The following SLIT2 variants were observed in gnomAD, a reference collection of about 807,000 sequenced individuals.
The protein encoded by SLIT2 is slit homolog 2 protein.
A neutral mutation model predicts 185.7 loss-of-function variants in SLIT2; 41 were observed. The observed-to-expected ratio is 0.22, with a 90% confidence interval of 0.17 to 0.29. The LOEUF is 0.29. Ranked by LOEUF, SLIT2 falls within the 10% of genes least tolerant of loss-of-function variation. The probability of loss-of-function intolerance (pLI) is 1.00; values close to 1 mark genes in which losing one functional copy is unlikely to be tolerated. For missense variants in SLIT2, 1,571 were observed against 1,909.0 expected, an observed-to-expected ratio of 0.82 and a Z score of 3.30; for synonymous variants, 693 against 680.2, an observed-to-expected ratio of 1.02 and a Z score of -0.29.
intron 30 of SLIT2, 146 bp downstream of exon 30, chr4:20,589,883 T>G (rs925017146): frequency 1.7e-6 from 1 of 576,544 alleles, no homozygotes; most frequent in African/African-American, 1.9e-5. Flanking sequence ...TTTTTAAATG[T>G]CGATATACAA....
chr4:20,597,755 T>C (rs990229729), intron 32 of SLIT2, among the ~76,000 whole-genome samples: 1 of 152,192 alleles, frequency 6.6e-6, no homozygotes, highest in Non-Finnish European at 1.5e-5. Context: ...CAAATTGTTA[T>C]GAGAACCACA....
chr4:20,590,236 A>T (rs1727413298), intron 30 of SLIT2, among the ~76,000 whole-genome samples: 1 of 152,182 alleles, frequency 6.6e-6, no homozygotes, highest in East Asian at 1.9e-4. Flanking sequence ...CTAAAGAAAA[A>T]TGAAAAAGTG....
intron 4 of SLIT2, among the ~76,000 whole-genome samples, chr4:20,395,459 G>T (rs1367246255): frequency 6.6e-6 from 1 of 151,902 alleles, no homozygotes; most frequent in Non-Finnish European, 1.5e-5. Context: ...ATAGGATTAG[G>T]GACCATTGAG....
At chr4:20,410,442 G>A (rs1199311894) in intron 4 of SLIT2, among the ~76,000 whole-genome samples, 1 of 150,820 alleles carries the variant, frequency 6.6e-6, no homozygotes, top group East Asian at 1.9e-4. Context: ...TGTTAGTAGA[G>A]ATGGGGTTTC....
In SLIT2 at chr4:20,310,032, A is replaced by G. The variant is rs1182526883; in HGVS notation, c.395+41151A>G. 5.3e-5 allele frequency among the ~76,000 whole-genome samples: 8 copies of G among 152,086 alleles called. No homozygotes were observed. The East Asian group carries it at 1.2e-3, about 22-fold the overall frequency. On this transcript the variant is annotated intron_variant, in intron 4 of 36. Transcript: ENST00000504154. ...CGCCTCGGCCTCCCCAAGTGCTGGGATTACAGGCGTGAGCCACCGCGTCCG... is the reference window on the plus strand; with the variant it reads ...CGCCTCGGCCTCCCCAAGTGCTGGGGTTACAGGCGTGAGCCACCGCGTCCG...
chr4:20,469,993 G>T (rs1303983229), intron 5 of SLIT2, among the ~76,000 whole-genome samples: 1 of 151,916 alleles, frequency 6.6e-6, no homozygotes, highest in Non-Finnish European at 1.5e-5. Context: ...GACCTCAGGT[G>T]ATCCACCCTC....
chr4:20,591,399 C>A (rs1727503921), intron 30 of SLIT2, among the ~76,000 whole-genome samples: 1 of 152,084 alleles, frequency 6.6e-6, no homozygotes, highest in Non-Finnish European at 1.5e-5. Flanking sequence ...TATTTATTCT[C>A]AAGCTTTCTT....
chr4:20,533,588 A>C lies in SLIT2; in HGVS notation c.1705A>C (p.Lys569Gln). 6.2e-7 allele frequency: 1 copy of C among 1,608,906 alleles called. No individual in the cohort carries two copies. Among genetic ancestry groups the C allele is most frequent in the Non-Finnish European group, 8.5e-7 (1 of 1,176,654 alleles). Residue 569 changes from lysine to glutamine, a missense_variant, in exon 18 of 37, where the codon AAG (lysine) becomes CAG (glutamine). Lys to Gln is a moderately conservative substitution (Grantham distance 53). Coordinates refer to ENST00000504154, the MANE Select transcript of SLIT2 (RefSeq NM_004787.4). ...TTTATTTAGAAACTTTAGCAACAAT[A>C]AGATCACAGATATTGAGGAGGGAGC... ...QLRKINFSNN[K>Q]ITDIEEGAFE...
At chr4:20,463,450 T>TAGATAGATAG (rs1440893392) in intron 4 of SLIT2, among the ~76,000 whole-genome samples, 1 of 20,552 alleles carries the variant, frequency 4.9e-5, no homozygotes, top group African/African-American at 1.8e-4. Flanking sequence ...CAAACTGTGA[T>TAGATAGATAG]ATATATATAT....
chr4:20,405,014 G>T (rs953406608), intron 4 of SLIT2, among the ~76,000 whole-genome samples: 2 of 135,978 alleles, frequency 1.5e-5, no homozygotes, highest in Admixed American at 1.4e-4. Flanking sequence ...TCTGATTTTT[G>T]AAGTGAGGGA....
chr4:20,493,457 T>C lies in SLIT2; in HGVS notation c.914+1558T>C, dbSNP rs548991158. 5.3e-5 allele frequency among the ~76,000 whole-genome samples: 8 copies of C among 152,296 alleles called. No individual in the cohort carries two copies. The South Asian group carries it at 1.7e-3, about 32-fold the overall frequency. ...GGCACCATTAATTTTCCTGAGATCA[T>C]CCATCAAGTGGTTAGCAAATGTGAC... On this transcript the variant is annotated intron_variant, in intron 9 of 36. Transcript: ENST00000504154.
intron 4 of SLIT2, among the ~76,000 whole-genome samples, chr4:20,386,596 A>T (rs1724955674): frequency 6.6e-6 from 1 of 152,202 alleles, no homozygotes; most frequent in Non-Finnish European, 1.5e-5. Context: ...TTCAGAACAT[A>T]CTGAAATTCT....
chr4:20,561,906 CT>C (rs1724726506), intron 26 of SLIT2, among the ~76,000 whole-genome samples: 1 of 151,738 alleles, frequency 6.6e-6, no homozygotes, highest in South Asian at 2.1e-4. Context: ...AATTAATGCT[CT>C]GTTCTTATAT....
At chr4:20,505,731 A>G (rs1339011878) in intron 9 of SLIT2, among the ~76,000 whole-genome samples, 1 of 152,076 alleles carries the variant, frequency 6.6e-6, no homozygotes, top group Non-Finnish European at 1.5e-5. Flanking sequence ...CATAATTAAC[A>G]TATTCTAAGG....
At chr4:20,343,897 C>A (rs529040657) in intron 4 of SLIT2, among the ~76,000 whole-genome samples, 1 of 151,540 alleles carries the variant, frequency 6.6e-6, no homozygotes, top group East Asian at 1.9e-4. Flanking sequence ...TGTTGTCAGG[C>A]TGGAGTGCAG....
intron 4 of SLIT2, among the ~76,000 whole-genome samples, chr4:20,318,532 A>G (rs1718789972): frequency 6.6e-6 from 1 of 152,174 alleles, no homozygotes; most frequent in African/African-American, 2.4e-5. Context: ...TTCCCCTTGA[A>G]GGGGCTTCGG....
intron 9 of SLIT2, among the ~76,000 whole-genome samples, chr4:20,500,268 AAATGT>A (rs1302614828): frequency 6.6e-6 from 1 of 152,190 alleles, no homozygotes; most frequent in Non-Finnish European, 1.5e-5. Context: ...AAGGATAATA[AAATGT>A]AATGGAAATC....
chr4:20,257,295 TG>T (rs965845655), intron 2 of SLIT2, among the ~76,000 whole-genome samples: 2 of 152,062 alleles, frequency 1.3e-5, no homozygotes, highest in African/African-American at 4.8e-5. Context: ...CTTTAATTAG[TG>T]GGTTAAATTA....
chr4:20,387,802 G>A (rs1214818210), intron 4 of SLIT2, among the ~76,000 whole-genome samples: 2 of 152,050 alleles, frequency 1.3e-5, no homozygotes, highest in African/African-American at 4.8e-5. Flanking sequence ...CAACCTGGAT[G>A]GGCCTGGAAG....
Sources: gnomAD v4.1 joint callset for allele counts (sites outside exome capture counted in the v4.1 genomes callset) on GRCh38, gnomAD v4.1.1 for gene constraint, MANE v1.5 for transcripts, NCBI Gene and HGNC (gene_info 2026-07-23, HGNC 2026-07-21) for gene names.